FER: variants seen among roughly 807,000 people sequenced by gnomAD.
FER encodes the protein tyrosine-protein kinase Fer.
In FER, 63 loss-of-function variants were observed where a neutral mutation model predicts 111.0. The observed-to-expected ratio is 0.57, with a 90% CI of 0.46 to 0.70. The LOEUF (loss-of-function observed/expected upper bound fraction) is 0.70, where lower values mean the gene tolerates loss of function less well. FER is among the 30% of genes least tolerant of loss of function. The pLI, the probability that FER is intolerant of heterozygous loss-of-function variation, is 0.00. For missense variants in FER, 914 were observed against 954.0 expected, an observed-to-expected ratio of 0.96 and a Z score of 0.55; for synonymous variants, 327 against 313.9, an observed-to-expected ratio of 1.04 and a Z score of -0.44.
intron 13 of FER, among the ~76,000 whole-genome samples, chr5:108,975,107 A>C (rs986933831): frequency 1.4e-4 from 22 of 152,212 alleles, no homozygotes; most frequent in Non-Finnish European, 2.8e-4. Flanking sequence ...TTGCAGGGAC[A>C]TGGATGAAGC....
intron 17 of FER, among the ~76,000 whole-genome samples, chr5:109,126,088 T>C (rs550341023): frequency 1.3e-5 from 2 of 152,232 alleles, no homozygotes; most frequent in Non-Finnish European, 2.9e-5. Flanking sequence ...CCTGATCTTT[T>C]TTGGATTATC....
chr5:108,848,186 T>C (rs976778488), intron 5 of FER, among the ~76,000 whole-genome samples: 1 of 152,184 alleles, frequency 6.6e-6, no homozygotes, highest in African/African-American at 2.4e-5. Flanking sequence ...GACCTATCTA[T>C]ATTCTTTTTT....
At chr5:109,002,207 A>G (rs952632912) in intron 13 of FER, among the ~76,000 whole-genome samples, 3 of 151,904 alleles carry the variant, frequency 2.0e-5, no homozygotes, top group African/African-American at 7.3e-5. Flanking sequence ...GCATCACGCT[A>G]CCTGACTTCA....
chr5:108,837,275 CA>C (rs1416011081), intron 5 of FER, among the ~76,000 whole-genome samples: 2 of 152,130 alleles, frequency 1.3e-5, no homozygotes, highest in Non-Finnish European at 2.9e-5. Context: ...TACTGAGATT[CA>C]AAACAATATT....
chr5:108,921,075 T>C (rs1451354809), intron 10 of FER, among the ~76,000 whole-genome samples: 2 of 152,154 alleles, frequency 1.3e-5, no homozygotes, highest in African/African-American at 4.8e-5. Flanking sequence ...TAATTTCAGG[T>C]CAAATGATAC....
intron 5 of FER, among the ~76,000 whole-genome samples, chr5:108,849,124 GT>G (rs1448679387): frequency 6.6e-6 from 1 of 151,926 alleles, no homozygotes; most frequent in Admixed American, 6.6e-5. Context: ...TTTGTTGTAA[GT>G]TTTTTATTAA....
chr5:108,918,673 G>C (rs1752601723), intron 10 of FER, among the ~76,000 whole-genome samples: 1 of 151,960 alleles, frequency 6.6e-6, no homozygotes, highest in Non-Finnish European at 1.5e-5. Context: ...ATTTTTACTA[G>C]AGACGGGGTT....
chr5:109,047,658 C>T (rs887220053), intron 16 of FER, among the ~76,000 whole-genome samples: 3 of 152,070 alleles, frequency 2.0e-5, no homozygotes, highest in Admixed American at 1.3e-4. Flanking sequence ...TGGTCTTGAA[C>T]TTCTGGGCTC....
At chr5:109,095,052 G>T (rs1427159519) in intron 16 of FER, among the ~76,000 whole-genome samples, 3 of 152,016 alleles carry the variant, frequency 2.0e-5, no homozygotes, top group African/African-American at 7.2e-5. Context: ...AACTGCTATT[G>T]GTTATATTCT....
At chr5:108,852,875 A>C (rs558987353) in intron 5 of FER, among the ~76,000 whole-genome samples, 26 of 152,304 alleles carry the variant, frequency 1.7e-4, no homozygotes, top group African/African-American at 5.8e-4. Flanking sequence ...TGACAGCTAT[A>C]ATAATCTCAT....
intron 10 of FER, among the ~76,000 whole-genome samples, chr5:108,910,811 G>A (rs1365779782): frequency 6.6e-6 from 1 of 151,840 alleles, no homozygotes; most frequent in African/African-American, 2.4e-5. Context: ...TGCTGCAAAG[G>A]ACATTATTTC....
intron 10 of FER, among the ~76,000 whole-genome samples, chr5:108,940,369 T>C (rs961169006): frequency 6.6e-6 from 1 of 152,076 alleles, no homozygotes; most frequent in Non-Finnish European, 1.5e-5. Context: ...ATGAAAAGCA[T>C]ATGAAATTTA....
intron 16 of FER, chr5:109,051,982 A>G: frequency 6.3e-7 from 1 of 1,586,212 alleles, no homozygotes; most frequent in Non-Finnish European, 8.7e-7. Context: ...CTTGAAGAGG[A>G]TACTGATGAT....
At chr5:108,814,002 A>G (rs1758022028) in intron 3 of FER, among the ~76,000 whole-genome samples, 1 of 152,158 alleles carries the variant, frequency 6.6e-6, no homozygotes, top group African/African-American at 2.4e-5. Context: ...AAATATCTCT[A>G]GTAGATTTGA....
At chr5:108,845,446 T>G (rs1404811654) in intron 5 of FER, among the ~76,000 whole-genome samples, 1 of 152,038 alleles carries the variant, frequency 6.6e-6, no homozygotes, top group East Asian at 1.9e-4. Context: ...CCTCCCAAAG[T>G]GCTGGGGTTA....
At chr5:109,058,975 G>T (rs562286323) in intron 16 of FER, among the ~76,000 whole-genome samples, 1 of 151,140 alleles carries the variant, frequency 6.6e-6, no homozygotes, top group Non-Finnish European at 1.5e-5. Flanking sequence ...CCTGACCTCA[G>T]GTAATACACC....
intron 16 of FER, among the ~76,000 whole-genome samples, chr5:109,054,010 T>C (rs943013973): frequency 6.6e-6 from 1 of 152,112 alleles, no homozygotes; most frequent in African/African-American, 2.4e-5. Flanking sequence ...ATTTAATGAA[T>C]ATACTGCAGT....
chr5:108,871,753 A>T (rs976999009), intron 7 of FER, among the ~76,000 whole-genome samples: 48 of 150,954 alleles, frequency 3.2e-4, no homozygotes, highest in African/African-American at 1.1e-3. Flanking sequence ...TCCATATTTA[A>T]TCCATGAAAT....
At chr5:109,030,533 T>C (rs1011565049) in intron 13 of FER, among the ~76,000 whole-genome samples, 5 of 152,172 alleles carry the variant, frequency 3.3e-5, no homozygotes, top group Non-Finnish European at 5.9e-5. Flanking sequence ...AGAGCTTTTT[T>C]GGTGTTATTT....
Sources: gnomAD v4.1 joint callset for allele counts (sites outside exome capture counted in the v4.1 genomes callset) on GRCh38, gnomAD v4.1.1 for gene constraint, MANE v1.5 for transcripts, NCBI Gene and HGNC (gene_info 2026-07-23, HGNC 2026-07-21) for gene names.